LDLRAD3: variants seen among roughly 807,000 people sequenced by gnomAD.
The protein encoded by LDLRAD3 is low density lipoprotein receptor class A domain containing 3, also known as low-density lipoprotein receptor class A domain-containing protein 3.
LDLRAD3 carries 20 observed loss-of-function variants against 29.4 expected under a neutral mutation model. That is an observed-to-expected ratio of 0.68 (90% CI 0.48 to 0.99). The LOEUF is 0.99. LDLRAD3 is among the 50% of genes least tolerant of loss of function. The probability of loss-of-function intolerance (pLI) is 0.00; values close to 1 mark genes in which losing one functional copy is unlikely to be tolerated. For missense variants in LDLRAD3, 420 were observed against 454.3 expected (o/e 0.92, Z 0.69); for synonymous variants, 157 against 192.7 (o/e 0.81, Z 1.53).
At chr11:36,032,270 G>A (rs1340466514) in intron 1 of LDLRAD3, among the ~76,000 whole-genome samples, 2 of 152,182 alleles carry the variant, frequency 1.3e-5, no homozygotes, top group African/African-American at 2.4e-5. Context: ...AATGTCCGGG[G>A]TCAGCAAACA....
intron 2 of LDLRAD3, among the ~76,000 whole-genome samples, chr11:36,046,021 T>A (rs1390861532): frequency 6.6e-6 from 1 of 151,778 alleles, no homozygotes; most frequent in Non-Finnish European, 1.5e-5. Flanking sequence ...TGTCTATGCA[T>A]ACCCATTGTT....
At chr11:36,086,680 A>G (rs1191158194) in intron 3 of LDLRAD3, among the ~76,000 whole-genome samples, 1 of 152,144 alleles carries the variant, frequency 6.6e-6, no homozygotes, top group Non-Finnish European at 1.5e-5. Context: ...GGTTCTTTCC[A>G]GTTCCCTGGG....
chr11:36,173,234 T>C (rs896408513), intron 4 of LDLRAD3, among the ~76,000 whole-genome samples: 1 of 151,988 alleles, frequency 6.6e-6, no homozygotes, highest in African/African-American at 2.4e-5. Flanking sequence ...ATGTGCACAA[T>C]GTGCAGGTTT....
intron 1 of LDLRAD3, among the ~76,000 whole-genome samples, chr11:35,987,787 G>A (rs1343310293): frequency 2.0e-5 from 3 of 152,176 alleles, no homozygotes; most frequent in Non-Finnish European, 2.9e-5. Flanking sequence ...CTGGTAATGA[G>A]ATTGCTGGGT....
At position 36,034,695 on chromosome 11, in the gene LDLRAD3, T is replaced by C. The variant is rs79899385; in HGVS notation, c.47-1408T>C. On this transcript the variant is annotated intron_variant, in intron 1 of 5. Coordinates refer to ENST00000315571, the MANE Select transcript of LDLRAD3 (RefSeq NM_174902.4). ...GCTTGTTCTAGTTATAAAATATTTT[T>C]AGTATCACCCCAGTGGTACTATCAC... Among the ~76,000 whole-genome samples, 624 of 152,306 alleles carry C rather than the reference T, an allele frequency of 4.1e-3. 4 individuals carry two copies. The highest frequency in any genetic ancestry group is 0.015 in the African/African-American group (605 of 41,546).
Position 36,153,831 on chromosome 11 carries a change from G to GTT in LDLRAD3, c.454+55378_454+55379dup, listed in dbSNP as rs550704653. 2.9e-3 allele frequency among the ~76,000 whole-genome samples: 434 copies of GTT among 151,452 alleles called. 3 individuals carry two copies. The highest frequency in any genetic ancestry group is 9.9e-3 in the African/African-American group (410 of 41,262). ...TCTCTAGCTTGCTTTGCTTGTTAAT[G>GTT]TTTTTTTTTAACAGGATAAATCATG... On this transcript the variant is annotated intron_variant, in intron 4 of 5. Coordinates refer to ENST00000315571, the MANE Select transcript of LDLRAD3 (RefSeq NM_174902.4).
At chr11:36,048,327 C>T (rs1029830173) in intron 2 of LDLRAD3, among the ~76,000 whole-genome samples, 2 of 152,134 alleles carry the variant, frequency 1.3e-5, no homozygotes, top group African/African-American at 4.8e-5. Flanking sequence ...GGCTGGGGGA[C>T]AGCCTAGGAT....
chr11:35,997,551 C>A, intron 1 of LDLRAD3: 1 of 347,720 alleles, frequency 2.9e-6, no homozygotes. Flanking sequence ...AGTGTCATCA[C>A]CAACCTTTTT....
At chr11:35,960,797 A>C (rs1015087903) in intron 1 of LDLRAD3, among the ~76,000 whole-genome samples, 5 of 152,168 alleles carry the variant, frequency 3.3e-5, no homozygotes, top group Non-Finnish European at 7.3e-5. Flanking sequence ...GAGTCTCACC[A>C]TGTTGGCCAG....
chr11:36,112,471 C>G lies in LDLRAD3; in HGVS notation c.454+14010C>G, dbSNP rs187391421. On this transcript the variant is annotated intron_variant, in intron 4 of 5. Transcript: ENST00000315571. ...CTTAATGTATGTTAAATTAGTTGCC[C>G]TGTCCTCAGCAACTTCCAGACCGTG... Among the ~76,000 whole-genome samples the G allele has an allele frequency of 2.3e-3, 356 of 152,324 alleles. 4 individuals are homozygous for G. Among genetic ancestry groups the G allele is most frequent in the Non-Finnish European group, 4.7e-4 (32 of 68,036 alleles).
chr11:35,971,684 C>T (rs1454720745), intron 1 of LDLRAD3, among the ~76,000 whole-genome samples: 1 of 152,162 alleles, frequency 6.6e-6, no homozygotes, highest in Non-Finnish European at 1.5e-5. Flanking sequence ...TTTGTGATGG[C>T]AGTCCCAGGG....
chr11:36,191,538 G>C (rs11599931), intron 4 of LDLRAD3, among the ~76,000 whole-genome samples: 1,094 of 55,752 alleles, frequency 0.02, 53 homozygotes, highest in Admixed American at 0.021. Context: ...GCAAGACCCT[G>C]TCTCTCTCTC....
chr11:36,189,035 A>G (rs1854898873), intron 4 of LDLRAD3, among the ~76,000 whole-genome samples: 1 of 151,138 alleles, frequency 6.6e-6, no homozygotes, highest in Admixed American at 6.6e-5. Context: ...GCATGCTTTC[A>G]CTCATTGAAA....
chr11:35,970,984 C>T (rs908170823), intron 1 of LDLRAD3, among the ~76,000 whole-genome samples: 20 of 152,058 alleles, frequency 1.3e-4, no homozygotes, highest in African/African-American at 4.6e-4. Flanking sequence ...TGGAGTATGC[C>T]ATCTCTCCCT....
intron 1 of LDLRAD3, among the ~76,000 whole-genome samples, chr11:36,013,424 A>G (rs1043563665): frequency 1.2e-4 from 18 of 151,960 alleles, no homozygotes; most frequent in Admixed American, 3.3e-4. Context: ...CCCTGCATAC[A>G]TTAGGTATTT....
chr11:36,064,764 T>G (rs1409856032), intron 2 of LDLRAD3, among the ~76,000 whole-genome samples: 2 of 152,250 alleles, frequency 1.3e-5, no homozygotes, highest in Non-Finnish European at 2.9e-5. Context: ...TTTAATTTTA[T>G]TTTTGATCTT....
chr11:36,049,485 G>A (rs1852498416), intron 2 of LDLRAD3, among the ~76,000 whole-genome samples: 1 of 152,210 alleles, frequency 6.6e-6, no homozygotes, highest in African/African-American at 2.4e-5. Context: ...TTGGGAGTGG[G>A]AGGAGATGGG....
At chr11:36,158,910 T>C (rs1854393853) in intron 4 of LDLRAD3, among the ~76,000 whole-genome samples, 1 of 152,234 alleles carries the variant, frequency 6.6e-6, no homozygotes, top group Admixed American at 6.5e-5. Context: ...TCACCTTATA[T>C]GTGTGTCATT....
rs796540297 is a variant in LDLRAD3, at chr11:35,952,886, C to T, written c.46+8742C>T. ...ATTTCCTGAACTAGAGATTGATGTT[C>T]TTTATTGTGGAAGCTGAAATTTTAA... On this transcript the variant is annotated intron_variant, in intron 1 of 5. Transcript: ENST00000315571. 1.3e-4 allele frequency among the ~76,000 whole-genome samples: 20 copies of T among 152,268 alleles called. No individual in the cohort carries two copies. In the South Asian group the frequency reaches 3.7e-3, roughly 28 times the overall value.
Sources: gnomAD v4.1 joint callset for allele counts (sites outside exome capture counted in the v4.1 genomes callset) on GRCh38, gnomAD v4.1.1 for gene constraint, MANE v1.5 for transcripts, NCBI Gene and HGNC (gene_info 2026-07-23, HGNC 2026-07-21) for gene names.